KHDRBS3: variants seen among roughly 807,000 people sequenced by gnomAD.
The protein encoded by KHDRBS3 is KH RNA binding domain containing, signal transduction associated 3.
A neutral mutation model predicts 45.6 loss-of-function variants in KHDRBS3; 23 were observed. The ratio of observed to expected loss-of-function variants is 0.50; its 90% CI spans 0.36 to 0.72. KHDRBS3 has a LOEUF of 0.72. Ranked by LOEUF, KHDRBS3 falls within the 30% of genes least tolerant of loss-of-function variation. KHDRBS3 has a pLI of 0.00. For missense variants in KHDRBS3, 352 were observed against 424.8 expected (o/e 0.83, Z 1.51); for synonymous variants, 162 against 156.5 (o/e 1.04, Z -0.26).
rs531005943 is a variant in KHDRBS3, at chr8:135,554,080, G to A, written c.472-3368G>A. Among the ~76,000 whole-genome samples the A allele has an allele frequency of 1.9e-3, 293 of 152,230 alleles. 2 individuals carry two copies. The highest frequency in any genetic ancestry group is 3.8e-3 in the Non-Finnish European group (260 of 68,006). ...TTAAAAAATTGTCTACAATCACATA[G>A]CTGTTAAGTTCAGGTGGTTAAATTT... On this transcript the variant is annotated intron_variant, in intron 4 of 8. Coordinates refer to ENST00000355849, the MANE Select transcript of KHDRBS3 (RefSeq NM_006558.3).
At chr8:135,537,556 A>G (rs538129848) in intron 2 of KHDRBS3, among the ~76,000 whole-genome samples, 5 of 152,350 alleles carry the variant, frequency 3.3e-5, no homozygotes, top group Non-Finnish European at 5.9e-5. Flanking sequence ...TACCATCTTC[A>G]TAATCACTTG....
chr8:135,504,587 G>A (rs527539778), intron 1 of KHDRBS3, among the ~76,000 whole-genome samples: 23 of 152,290 alleles, frequency 1.5e-4, no homozygotes, highest in African/African-American at 5.5e-4. Flanking sequence ...AATAGCAAAT[G>A]TTTTGAAGAT....
At chr8:135,596,452 T>C (rs1263945921) in intron 6 of KHDRBS3, among the ~76,000 whole-genome samples, 1 of 152,206 alleles carries the variant, frequency 6.6e-6, no homozygotes, top group African/African-American at 2.4e-5. Flanking sequence ...GCACTGATGG[T>C]CAGCTTCCAA....
At chr8:135,635,400 T>C (rs1830769033) in intron 7 of KHDRBS3, among the ~76,000 whole-genome samples, 1 of 152,196 alleles carries the variant, frequency 6.6e-6, no homozygotes, top group Non-Finnish European at 1.5e-5. Context: ...TTTGTTTGTT[T>C]TTGAGACGGA....
chr8:135,565,112 C>CT (rs1486935856), intron 5 of KHDRBS3, among the ~76,000 whole-genome samples: 2 of 152,210 alleles, frequency 1.3e-5, no homozygotes, highest in African/African-American at 4.8e-5. Context: ...GTCACCTTGA[C>CT]TTCAGACCAG....
intron 2 of KHDRBS3, among the ~76,000 whole-genome samples, chr8:135,537,763 A>G (rs2130750054): frequency 6.6e-6 from 1 of 152,344 alleles, no homozygotes; most frequent in Middle Eastern, 3.4e-3. Context: ...AATTTGTAAA[A>G]TGATAATTTC....
At chr8:135,458,877 C>T (rs1372769201) in intron 1 of KHDRBS3, 3 of 456,138 alleles carry the variant, frequency 6.6e-6, no homozygotes, top group Non-Finnish European at 1.3e-5. Flanking sequence ...CTTTTTCCTC[C>T]TGTGGCTTCC....
At chr8:135,609,382 C>T (rs545109186) in intron 7 of KHDRBS3, among the ~76,000 whole-genome samples, 1 of 151,976 alleles carries the variant, frequency 6.6e-6, no homozygotes, top group African/African-American at 2.4e-5. Flanking sequence ...GCAACCTCCT[C>T]CTTCCAGGTT....
chr8:135,549,112 A>G, intron 4 of KHDRBS3: 1 of 358,726 alleles, frequency 2.8e-6, no homozygotes, highest in Non-Finnish European at 4.9e-6. Flanking sequence ...GGAAGATTTA[A>G]TAATATGGCC....
At chr8:135,556,669 A>T (rs1342484452) in intron 4 of KHDRBS3, among the ~76,000 whole-genome samples, 1 of 152,150 alleles carries the variant, frequency 6.6e-6, no homozygotes, top group African/African-American at 2.4e-5. Context: ...GACTTCTTGT[A>T]ACAAACTTAC....
intron 1 of KHDRBS3, among the ~76,000 whole-genome samples, chr8:135,474,770 C>T (rs568127958): frequency 2.1e-4 from 32 of 152,350 alleles, no homozygotes; most frequent in Non-Finnish European, 3.8e-4. Flanking sequence ...TATTGGTTTT[C>T]TATGGCTGCC....
chr8:135,592,625 G>A (rs572009129), intron 6 of KHDRBS3, among the ~76,000 whole-genome samples: 1 of 152,302 alleles, frequency 6.6e-6, no homozygotes, highest in East Asian at 1.9e-4. Context: ...GGGAGGAAAA[G>A]TAATTTTCTG....
chr8:135,504,332 G>A (rs1823883720), intron 1 of KHDRBS3, among the ~76,000 whole-genome samples: 1 of 152,114 alleles, frequency 6.6e-6, no homozygotes, highest in Non-Finnish European at 1.5e-5. Context: ...CGTTTAAACG[G>A]TCACTTAGGG....
In KHDRBS3 at chr8:135,465,956, A is replaced by G. The variant is rs149428263; in HGVS notation, c.88+8002A>G. On this transcript the variant is annotated intron_variant, in intron 1 of 8. Transcript: ENST00000355849. Reference sequence around the variant, plus strand: ...GGAGAAAATATAGAAATTATGATGAAGATAAGGGGCAGTTTTCATTTTCAA... The same window carrying G: ...GGAGAAAATATAGAAATTATGATGAGGATAAGGGGCAGTTTTCATTTTCAA... Among the ~76,000 whole-genome samples the G allele has an allele frequency of 2.5e-3, 379 of 152,262 alleles. 1 individual carries two copies. The highest frequency in any genetic ancestry group is 4.6e-3 in the Non-Finnish European group (316 of 68,018).
At chr8:135,501,218 G>T (rs1823719180) in intron 1 of KHDRBS3, among the ~76,000 whole-genome samples, 1 of 152,128 alleles carries the variant, frequency 6.6e-6, no homozygotes, top group Admixed American at 6.6e-5. Context: ...AAGCAAAATA[G>T]CTGAATTCTG....
At chr8:135,493,947 C>T (rs1331548739) in intron 1 of KHDRBS3, among the ~76,000 whole-genome samples, 1 of 152,060 alleles carries the variant, frequency 6.6e-6, no homozygotes, top group Non-Finnish European at 1.5e-5. Context: ...ATATAGAAGG[C>T]CTATTCATGC....
intron 8 of KHDRBS3, 110 bp from the exon 9 acceptor site, chr8:135,646,883 A>G (rs1586859252): frequency 1.6e-6 from 1 of 635,420 alleles, no homozygotes; most frequent in South Asian, 2.0e-5. Flanking sequence ...AGGGGTATAT[A>G]TTTTCAATAT....
chr8:135,516,091 A>C (rs1824584887), intron 1 of KHDRBS3, among the ~76,000 whole-genome samples: 1 of 152,242 alleles, frequency 6.6e-6, no homozygotes, highest in Non-Finnish European at 1.5e-5. Context: ...AGCATGTTGC[A>C]AAGCCAGAGT....
At chr8:135,546,302 A>C (rs916354240) in intron 3 of KHDRBS3, among the ~76,000 whole-genome samples, 2 of 152,184 alleles carry the variant, frequency 1.3e-5, no homozygotes, top group Non-Finnish European at 2.9e-5. Context: ...ATTTCTAAAG[A>C]GATTCCCATT....
Sources: gnomAD v4.1 joint callset for allele counts (sites outside exome capture counted in the v4.1 genomes callset) on GRCh38, gnomAD v4.1.1 for gene constraint, MANE v1.5 for transcripts, NCBI Gene and HGNC (gene_info 2026-07-23, HGNC 2026-07-21) for gene names.